The following CHODL variants were observed in gnomAD, a reference collection of about 807,000 sequenced individuals.
The protein encoded by CHODL is transmembrane protein MT75.
Under a neutral mutation model 34.5 loss-of-function variants are expected in CHODL, and 29 were observed. That is an observed-to-expected ratio of 0.84 (90% CI 0.63 to 1.15). CHODL has a LOEUF of 1.15. CHODL is among the 50% of genes most tolerant of loss of function. The pLI is 0.00. For missense variants in CHODL, 332 were observed against 332.5 expected (o/e 1.00, Z 0.01); for synonymous variants, 125 against 116.1 (o/e 1.08, Z -0.49).
intron 1 of CHODL, among the ~76,000 whole-genome samples, chr21:17,968,753 A>G (rs567640305): frequency 1.3e-5 from 2 of 152,134 alleles, no homozygotes; most frequent in Non-Finnish European, 2.9e-5. Flanking sequence ...GGAATTTCTC[A>G]CCATGCAGGG....
At chr21:18,084,205 C>T (rs1041799692) in intron 2 of CHODL, among the ~76,000 whole-genome samples, 4 of 152,120 alleles carry the variant, frequency 2.6e-5, no homozygotes, top group African/African-American at 9.7e-5. Flanking sequence ...GTAAAATATG[C>T]TTCTTTCCCT....
At chr21:17,919,286 A>G (rs185286720) in intron 1 of CHODL, among the ~76,000 whole-genome samples, 8 of 152,182 alleles carry the variant, frequency 5.3e-5, no homozygotes, top group Non-Finnish European at 7.4e-5. Flanking sequence ...GAGGTTCTCC[A>G]TGAGCACTCT....
chr21:18,124,591 T>C (rs936449922), intron 2 of CHODL, among the ~76,000 whole-genome samples: 9 of 152,216 alleles, frequency 5.9e-5, no homozygotes, highest in Non-Finnish European at 1.2e-4. Flanking sequence ...GGTTAAAATT[T>C]TAAGATTTAA....
At chr21:17,948,499 T>G (rs1441136637) in intron 1 of CHODL, among the ~76,000 whole-genome samples, 1 of 151,876 alleles carries the variant, frequency 6.6e-6, no homozygotes, top group Non-Finnish European at 1.5e-5. Context: ...AGAGTTTGTT[T>G]TTTGAAAAGA....
At chr21:18,013,822 A>G (rs1320640625) in intron 1 of CHODL, among the ~76,000 whole-genome samples, 3 of 151,422 alleles carry the variant, frequency 2.0e-5, no homozygotes, top group Non-Finnish European at 2.9e-5. Context: ...TTTAGTAGAG[A>G]TGGGGTTTCA....
At chr21:17,996,328 A>G (rs1416676527) in intron 1 of CHODL, among the ~76,000 whole-genome samples, 3 of 152,196 alleles carry the variant, frequency 2.0e-5, no homozygotes, top group Non-Finnish European at 4.4e-5. Context: ...CTAAATAATA[A>G]TGTTTCTCCT....
intron 1 of CHODL, among the ~76,000 whole-genome samples, chr21:18,003,337 C>G (rs2063928913): frequency 6.6e-6 from 1 of 150,818 alleles, no homozygotes; most frequent in Non-Finnish European, 1.5e-5. Flanking sequence ...TTTTTGATAT[C>G]TTCCACACTG....
chr21:18,039,355 G>C (rs1047200555), intron 2 of CHODL, among the ~76,000 whole-genome samples: 2 of 151,652 alleles, frequency 1.3e-5, no homozygotes, highest in Admixed American at 6.6e-5. Context: ...TAGGGATTGT[G>C]GTAGGGAGTA....
intron 2 of CHODL, among the ~76,000 whole-genome samples, chr21:18,065,362 T>C (rs535841477): frequency 3.3e-5 from 5 of 152,298 alleles, no homozygotes; most frequent in African/African-American, 1.2e-4. Context: ...CCAAAAAATA[T>C]TGTATGATGA....
chr21:17,949,082 A>G (rs2063435796), intron 1 of CHODL, among the ~76,000 whole-genome samples: 2 of 152,118 alleles, frequency 1.3e-5, no homozygotes, highest in Non-Finnish European at 2.9e-5. Flanking sequence ...CACCAGTTTT[A>G]TGGGCCCCTG....
At chr21:17,926,373 TG>T (rs66675292) in intron 1 of CHODL, among the ~76,000 whole-genome samples, 45,755 of 131,972 alleles carry the variant, frequency 0.35, 8,466 homozygotes, top group South Asian at 0.53. Flanking sequence ...ATAAATAAGG[TG>T]GGTTTTTTTT....
intron 1 of CHODL, among the ~76,000 whole-genome samples, chr21:18,009,237 G>C (rs1319625328): frequency 1.3e-5 from 2 of 152,048 alleles, no homozygotes. Context: ...AGCCTATATA[G>C]CTAAAAATGT....
chr21:18,096,906 C>T (rs1266918132), intron 2 of CHODL, among the ~76,000 whole-genome samples: 4 of 152,126 alleles, frequency 2.6e-5, no homozygotes, highest in Non-Finnish European at 5.9e-5. Context: ...TGATGGCACC[C>T]TCGGAGGCCC....
In CHODL at chr21:18,193,230, CATT is replaced by C. The variant is rs1384870370; in HGVS notation, c.-44-63276_-44-63274del. 4.1e-4 allele frequency among the ~76,000 whole-genome samples: 62 copies of C among 152,220 alleles called. 1 individual carries two copies. Among genetic ancestry groups the C allele is most frequent in the Admixed American group, 4.0e-3 (61 of 15,280 alleles). ...GAAATTATTATTGAATTATTATACT[CATT>C]ATGTAATTATACAAGATATTGAAAT... On this transcript the variant is annotated intron_variant, in intron 2 of 6. Coordinates refer to the CHODL transcript ENST00000400127.
chr21:18,143,412 G>A (rs1270067702), intron 2 of CHODL, among the ~76,000 whole-genome samples: 3 of 152,068 alleles, frequency 2.0e-5, no homozygotes, highest in Admixed American at 6.6e-5. Context: ...ATTATGACAA[G>A]TATGCTTTTT....
At chr21:18,161,625 T>G (rs2073096622) in intron 2 of CHODL, among the ~76,000 whole-genome samples, 1 of 152,246 alleles carries the variant, frequency 6.6e-6, no homozygotes, top group Admixed American at 6.5e-5. Context: ...TTGTGCATGC[T>G]GTTTGCTCTG....
chr21:17,977,925 A>AAAAAAAAAG (rs1300646284), intron 1 of CHODL, among the ~76,000 whole-genome samples: 3 of 150,514 alleles, frequency 2.0e-5, no homozygotes, highest in Non-Finnish European at 4.4e-5. Flanking sequence ...TCTCAAAAAA[A>AAAAAAAAAG]AAAAAAAAAG....
intron 1 of CHODL, among the ~76,000 whole-genome samples, chr21:17,982,696 C>CTTTTTT (rs397867753): frequency 7.3e-4 from 46 of 63,008 alleles, no homozygotes; most frequent in Admixed American, 1.2e-3. Flanking sequence ...TATATATATT[C>CTTTTTT]TTTTTTTTTT....
chr21:18,089,475 A>T (rs1233522266), intron 2 of CHODL, among the ~76,000 whole-genome samples: 1 of 152,182 alleles, frequency 6.6e-6, no homozygotes, highest in Non-Finnish European at 1.5e-5. Flanking sequence ...TAGCCAAGGA[A>T]TAATTTATCT....
Sources: allele counts gnomAD v4.1 joint callset (sites outside exome capture counted in the v4.1 genomes callset), GRCh38; gene constraint gnomAD v4.1.1; transcripts MANE v1.5; gene names NCBI Gene and HGNC (gene_info 2026-07-23, HGNC 2026-07-21).